Variants in MYCBP2 observed in about 807,000 individuals in gnomAD.
The protein encoded by MYCBP2 is MYC binding protein 2.
A neutral mutation model predicts 525.3 loss-of-function variants in MYCBP2; 120 were observed. That is an observed-to-expected ratio of 0.23 (90% CI 0.20 to 0.27). The LOEUF (loss-of-function observed/expected upper bound fraction) is 0.27. MYCBP2 is among the 10% of genes least tolerant of loss of function. MYCBP2 has a pLI of 1.00. For synonymous variants in MYCBP2, 1,894 were observed against 1,955.8 expected, an observed-to-expected ratio of 0.97 and a Z score of 0.83; for missense variants, 4,149 against 5,657.1, an observed-to-expected ratio of 0.73 and a Z score of 8.55.
At chr13:77,137,605 T>C (rs1205916210) in intron 52 of MYCBP2, among the ~76,000 whole-genome samples, 1 of 152,092 alleles carries the variant, frequency 6.6e-6, no homozygotes, top group Non-Finnish European at 1.5e-5. Flanking sequence ...TGTGTTTTTT[T>C]TGAGACAGAG....
At chr13:77,214,695 C>T (rs76255587) in intron 21 of MYCBP2, among the ~76,000 whole-genome samples, 3,127 of 150,202 alleles carry the variant, frequency 0.021, 61 homozygotes, top group Non-Finnish European at 0.032. Context: ...CAAACCTAGA[C>T]GGTATATCTA....
chr13:77,174,931 AAT>A (rs1349574235), intron 36 of MYCBP2, among the ~76,000 whole-genome samples: 93 of 3,404 alleles, frequency 0.027, 2 homozygotes, highest in Non-Finnish European at 0.11. Context: ...ATATATATAT[AAT>A]ATATATATAT....
rs79353704 is a variant in MYCBP2 at position 77,143,586 on chromosome 13, G to A, written c.7303+859C>T. 1.3e-3 allele frequency among the ~76,000 whole-genome samples: 199 copies of A among 152,242 alleles called. 1 individual carries two copies. The highest frequency in any genetic ancestry group is 4.5e-3 in the African/African-American group (187 of 41,544). ...CCAGCTTGCAGGTGTGGCCCATAAT[G>A]GGACTTTTCAGACTCCATAATTGTG... is the stretch of plus-strand genomic sequence containing the variant. On this transcript the variant is annotated intron_variant, in intron 49 of 82. Coordinates refer to ENST00000544440, the MANE Select transcript of MYCBP2 (RefSeq NM_015057.5).
At position 77,309,839 on chromosome 13, in the gene MYCBP2, C is replaced by T. The variant is rs762378824; in HGVS notation, c.303-13165G>A. ...GCTTAAAAACCTATGATTGGCTGGG[C>T]GCAGTGGCTCACGCCTGTAATCTCA... is the stretch of plus-strand genomic sequence containing the variant. On this transcript the variant is annotated intron_variant, in intron 1 of 82. Transcript: ENST00000544440. 3.3e-5 allele frequency among the ~76,000 whole-genome samples: 5 copies of T among 152,260 alleles called. No homozygotes were observed. In the South Asian group the frequency reaches 6.2e-4, roughly 19 times the overall value.
At chr13:77,105,784 T>G (rs548202194) in intron 55 of MYCBP2, among the ~76,000 whole-genome samples, 1 of 152,222 alleles carries the variant, frequency 6.6e-6, no homozygotes, top group Admixed American at 6.6e-5. Context: ...AAAAACAATT[T>G]TAAAGAATCA....
intron 68 of MYCBP2, among the ~76,000 whole-genome samples, chr13:77,071,033 G>A (rs2154085208): frequency 6.6e-6 from 1 of 152,102 alleles, no homozygotes; most frequent in East Asian, 1.9e-4. Context: ...TTAATTGTTT[G>A]AAGAACAATC....
At chr13:77,306,063 AT>A (rs1320575051) in intron 1 of MYCBP2, among the ~76,000 whole-genome samples, 1 of 152,228 alleles carries the variant, frequency 6.6e-6, no homozygotes, top group Non-Finnish European at 1.5e-5. Context: ...AATAAAAGTC[AT>A]AATGGTTAAA....
chr13:77,288,190 A>G lies in MYCBP2; in HGVS notation c.565T>C (p.Ser189Pro). The stretch of plus-strand genomic sequence containing the variant: ...GGAAGCTTGATAGGGGGCTCTTTGG[A>G]TTCCTCTTCTTCATCACTATCTGAT... ...GESDSDEEEE[S>P]KEPPIKLPKI... The change falls in exon 3 of 83, where the codon TCC becomes CCC. Residue 189 changes from serine to proline, a missense_variant. Coordinates refer to ENST00000544440, the MANE Select transcript of MYCBP2 (RefSeq NM_015057.5). The G allele has an allele frequency of 6.2e-7, 1 of 1,614,082 alleles. No homozygotes were observed. Among genetic ancestry groups the G allele is most frequent in the Non-Finnish European group, 8.5e-7 (1 of 1,179,998 alleles).
intron 27 of MYCBP2, among the ~76,000 whole-genome samples, chr13:77,192,320 G>C (rs977421100): frequency 1.3e-5 from 2 of 152,182 alleles, no homozygotes; most frequent in Admixed American, 1.3e-4. Flanking sequence ...GAAAACTGTG[G>C]TGAAAATAAT....
chr13:77,096,500 AT>A lies in MYCBP2; in HGVS notation c.9785-20del. 6.2e-7 allele frequency: 1 copy of A among 1,612,134 alleles called. No individual in the cohort carries two copies. Among genetic ancestry groups the A allele is most frequent in the Non-Finnish European group, 8.5e-7 (1 of 1,178,894 alleles). On this transcript the variant is annotated intron_variant, in intron 56 of 82. Coordinates refer to ENST00000544440, the MANE Select transcript of MYCBP2 (RefSeq NM_015057.5). The stretch of plus-strand genomic sequence containing the variant: ...CCACAACCTTGAAACAATACCAAAA[AT>A]AAATATTTAACACTCCAAGTGTCCT...
intron 46 of MYCBP2, among the ~76,000 whole-genome samples, chr13:77,153,538 TA>T (rs2056805137): frequency 6.6e-6 from 1 of 152,370 alleles, no homozygotes; most frequent in African/African-American, 2.4e-5. Context: ...ATATTTACCC[TA>T]AGTATTTAAT....
chr13:77,294,125 T>TATAC (rs1555465758), intron 2 of MYCBP2, among the ~76,000 whole-genome samples: 1,803 of 67,410 alleles, frequency 0.027, 125 homozygotes, highest in Non-Finnish European at 0.052. Context: ...TATATATATA[T>TATAC]ATATACATAT....
intron 17 of MYCBP2, among the ~76,000 whole-genome samples, chr13:77,241,952 T>C (rs1345959718): frequency 6.6e-6 from 1 of 152,170 alleles, no homozygotes; most frequent in African/African-American, 2.4e-5. Context: ...TCAGTAAACA[T>C]TTCTAATCAA....
At chr13:77,139,156 C>A in intron 52 of MYCBP2, 40 bp downstream of exon 52, 1 of 1,590,408 alleles carries the variant, frequency 6.3e-7, no homozygotes, top group Non-Finnish European at 8.6e-7. Context: ...AAACAAACAG[C>A]GTGTATCTAT....
chr13:77,270,149 A>C lies in MYCBP2; in HGVS notation c.1189-86T>G, dbSNP rs114891592. The C allele has an allele frequency of 2.4e-3, 3,407 of 1,425,032 alleles. 70 individuals are homozygous for C. In the African/African-American group the frequency reaches 0.043, roughly 18 times the overall value. 88.3% of individuals were successfully genotyped at this position (1,425,032 alleles called of 1,614,324 possible). On this transcript the variant is annotated intron_variant, in intron 6 of 82. Coordinates refer to ENST00000544440, the MANE Select transcript of MYCBP2 (RefSeq NM_015057.5). ...AATACAAATGGGTGAATGACATTTA[A>C]TGCATGTATTTCAATTATGGTTTTC...
At chr13:77,161,980 C>G (rs546885630) in intron 43 of MYCBP2, 25 bp from the exon 44 acceptor site, 2 of 1,484,290 alleles carry the variant, frequency 1.3e-6, no homozygotes, top group South Asian at 2.4e-5. Flanking sequence ...AAGAGTTTTA[C>G]TAAAATATGT....
intron 23 of MYCBP2, among the ~76,000 whole-genome samples, chr13:77,208,253 T>C (rs1011970589): frequency 2.0e-5 from 3 of 152,178 alleles, no homozygotes; most frequent in African/African-American, 2.4e-5. Flanking sequence ...TTCCCAGGCA[T>C]CTCCTCAACC....
chr13:77,061,607 A>G, intron 75 of MYCBP2, 55 bp downstream of exon 75: 1 of 1,580,290 alleles, frequency 6.3e-7, no homozygotes, highest in East Asian at 2.3e-5. Flanking sequence ...TCTTTCACAC[A>G]TTTATTTCAA....
Position 77,061,201 on chromosome 13 carries a change from A to T in MYCBP2, c.13004T>A (p.Met4335Lys), listed in dbSNP as rs768964628. 2 of 1,609,414 alleles carry T rather than the reference A, an allele frequency of 1.2e-6. No individual in the cohort carries two copies. Among genetic ancestry groups the T allele is most frequent in the Non-Finnish European group, 1.7e-6 (2 of 1,177,906 alleles). Residue 4335 changes from methionine (M) to lysine (K), a missense_variant, in exon 76 of 83, where the codon ATG (methionine) becomes AAG (lysine). Physicochemically the swap from Met to Lys is moderately conservative, Grantham distance 95. Around this residue, in one of 21 missense-constraint regions of MYCBP2, gnomAD observed 220 missense variants for 396.0 expected, o/e 0.56. Coordinates refer to ENST00000544440, the MANE Select transcript of MYCBP2 (RefSeq NM_015057.5). ...WLMALADSKT[M>K]KAMVEFREHT... ...TTCTCGGAATTCCACCATTGCCTTC[A>T]TTGTTTTAGAATCTGCCAGTGCCAT...
Sources: allele counts gnomAD v4.1 joint callset (sites outside exome capture counted in the v4.1 genomes callset), GRCh38; gene constraint gnomAD v4.1.1; regional missense constraint gnomAD v4.1.1; transcripts MANE v1.5; gene names NCBI Gene and HGNC (gene_info 2026-07-23, HGNC 2026-07-21).